GALR1: variants seen among roughly 807,000 people sequenced by gnomAD.
GALR1 encodes the protein galanin receptor 1.
A neutral mutation model predicts 17.9 loss-of-function variants in GALR1; 11 were observed. That is an observed-to-expected ratio of 0.62 (90% confidence interval 0.39 to 1.02). The LOEUF is 1.02. Ranked by LOEUF, GALR1 falls within the 50% of genes least tolerant of loss-of-function variation. The probability of loss-of-function intolerance (pLI) is 0.01; values close to 1 mark genes in which losing one functional copy is unlikely to be tolerated. For missense variants in GALR1, 441 were observed against 456.9 expected, an observed-to-expected ratio of 0.97 and a Z score of 0.32; for synonymous variants, 206 against 205.7, an observed-to-expected ratio of 1.00 and a Z score of -0.01.
At position 77,268,643 on chromosome 18, in the gene GALR1, A is replaced by G; in HGVS notation, c.791A>G (p.His264Arg). Residue 264 changes from histidine to arginine, a missense_variant, in exon 3 of 3, where the codon CAC becomes CGC. Coordinates refer to ENST00000299727, the MANE Select transcript of GALR1 (RefSeq NM_001480.4). ...VVFGISWLPH[H>R]IIHLWAEFGV... ...TTTGGAATCTCCTGGCTGCCGCACC[A>G]CATCATCCATCTCTGGGCTGAGTTT... 6.2e-7 allele frequency: 1 copy of G among 1,614,042 alleles called. No homozygotes were observed. Among genetic ancestry groups the G allele is most frequent in the Non-Finnish European group, 8.5e-7 (1 of 1,180,018 alleles).
rs1912999980 is a variant in GALR1, at chr18:77,268,803, G to A, written c.951G>A (p.Val317=). 1 of 1,613,686 alleles carries A rather than the reference G, an allele frequency of 6.2e-7. No homozygotes were observed. The highest frequency in any genetic ancestry group is 1.7e-5 in the Admixed American group (1 of 60,000). ...SENFRKAYKQ[V]FKCHIRKDSH... is the part of the protein sequence containing the mutation. ...ATTTCAGGAAGGCCTATAAACAAGT[G>A]TTCAAGTGTCACATTCGCAAAGATT... The change falls in exon 3 of 3, where the codon GTG becomes GTA. Residue 317 remains valine (V), a synonymous_variant. Transcript: ENST00000299727.
At chr18:77,261,563 C>CTGG (rs999595718) in intron 2 of GALR1, among the ~76,000 whole-genome samples, 16 of 152,170 alleles carry the variant, frequency 1.1e-4, no homozygotes, top group African/African-American at 3.4e-4. Flanking sequence ...TCTTGCAGTC[C>CTGG]TGGAGTTTGG....
At position 77,250,870 on chromosome 18, in the gene GALR1, T is replaced by G; in HGVS notation, c.322T>G (p.Cys108Gly). ...LPTWVLGAFI[C>G]KFIHYFFTVS... ...CACCTGGGTGCTGGGCGCCTTCATC[T>G]GCAAGTTCATCCACTACTTCTTCAC... Residue 108 changes from cysteine (C) to glycine (G), a missense_variant, in exon 1 of 3, where the codon TGC becomes GGC. Cys to Gly is a radical substitution (Grantham distance 159, BLOSUM62 -3). Transcript: ENST00000299727. 1 of 1,611,198 alleles carries G rather than the reference T, an allele frequency of 6.2e-7. No individual in the cohort carries two copies. The highest frequency in any genetic ancestry group is 8.5e-7 in the Non-Finnish European group (1 of 1,179,998).
intron 2 of GALR1, among the ~76,000 whole-genome samples, chr18:77,261,561 T>A (rs1207398273): frequency 6.6e-6 from 1 of 152,208 alleles, no homozygotes; most frequent in East Asian, 1.9e-4. Context: ...TTTCTTGCAG[T>A]CCTGGAGTTT....
At chr18:77,254,547 T>G (rs75137880) in intron 1 of GALR1, among the ~76,000 whole-genome samples, 3,598 of 152,312 alleles carry the variant, frequency 0.024, 132 homozygotes, top group African/African-American at 0.081. Context: ...GTGCGGCCTC[T>G]CCTGTTGTCT....
chr18:77,264,983 C>A (rs1323219198), intron 2 of GALR1, among the ~76,000 whole-genome samples: 4 of 152,146 alleles, frequency 2.6e-5, no homozygotes, highest in Admixed American at 2.0e-4. Flanking sequence ...CTGCTCCTGG[C>A]CCCTCCCAAA....
intron 2 of GALR1, among the ~76,000 whole-genome samples, chr18:77,261,589 C>T (rs149516826): frequency 5.9e-4 from 90 of 152,296 alleles, no homozygotes; most frequent in African/African-American, 2.0e-3. Flanking sequence ...TAAAATCACG[C>T]TCCTGCAGAT....
intron 1 of GALR1, among the ~76,000 whole-genome samples, chr18:77,255,120 C>T (rs942686402): frequency 9.2e-5 from 14 of 152,248 alleles, no homozygotes; most frequent in South Asian, 8.3e-4. Context: ...ACATGGCTTC[C>T]GGTTCCTTGA....
chr18:77,276,240 A>G lies in GALR1; in HGVS notation c.*7338A>G, dbSNP rs554069203. 4.1e-4 allele frequency: 62 copies of G among 152,264 alleles called. 1 individual carries two copies. The highest frequency in any genetic ancestry group is 2.9e-3 in the Admixed American group (44 of 15,284). The allele number at this position is 152,264 out of a possible 1,614,324, so 9.4% of individuals were successfully genotyped here. On this transcript the variant is annotated 3_prime_UTR_variant, in exon 3 of 3. Transcript: ENST00000299727. ...CAGTTCTATCTGCCTAAGTGAGGAG[A>G]GTAGTTGTGGAGCATTGTAGAAAGG... is the stretch of plus-strand genomic sequence containing the variant.
Position 77,277,477 on chromosome 18 carries a change from T to A in GALR1, c.*8575T>A, listed in dbSNP as rs947051743. ...TAAGATGTGACTTGCTCCTCCTTGC[T>A]CTCTGCCATGATTGTGAGGCTTCCC... On this transcript the variant is annotated 3_prime_UTR_variant, in exon 3 of 3. Transcript: ENST00000299727. 1 of 152,246 alleles carries A rather than the reference T, an allele frequency of 6.6e-6. No individual in the cohort carries two copies. Among genetic ancestry groups the A allele is most frequent in the Non-Finnish European group, 1.5e-5 (1 of 68,088 alleles). The allele number at this position is 152,246 out of a possible 1,614,324, so 9.4% of individuals were successfully genotyped here.
intron 1 of GALR1, among the ~76,000 whole-genome samples, chr18:77,252,873 C>CACG (rs1912457355): frequency 7.7e-6 from 1 of 129,414 alleles, no homozygotes; most frequent in Non-Finnish European, 1.7e-5. Flanking sequence ...CCACCACCAC[C>CACG]ACCACCATCA....
rs1252048014 is a variant in GALR1, at chr18:77,269,051, A to AC, written c.*150dup. On this transcript the variant is annotated 3_prime_UTR_variant, in exon 3 of 3. Transcript: ENST00000299727. ...TTAAATCCCACGTGTGTTAAAAAGT[A>AC]CTTTGATCCATTTAGGAAATTCCTA... 9.5e-6 allele frequency: 6 copies of AC among 634,666 alleles called. No homozygotes were observed. Among genetic ancestry groups the AC allele is most frequent in the Non-Finnish European group, 1.6e-5 (6 of 366,632 alleles). The allele number at this position is 634,666 out of a possible 1,614,324, so 39.3% of individuals were successfully genotyped here. A position where few individuals can be genotyped will look rare whatever the true frequency, so the allele number is the denominator to read the frequency against.
intron 2 of GALR1, among the ~76,000 whole-genome samples, chr18:77,266,223 G>A (rs1912942008): frequency 6.6e-6 from 1 of 152,160 alleles, no homozygotes; most frequent in Non-Finnish European, 1.5e-5. Context: ...CATAGCAAGA[G>A]TGACCTTTAC....
intron 2 of GALR1, among the ~76,000 whole-genome samples, chr18:77,258,738 T>C (rs111211719): frequency 0.24 from 26,761 of 112,438 alleles, 3,414 homozygotes; most frequent in East Asian, 0.4. Context: ...GTGATGGTGA[T>C]GATGGTTATG....
intron 1 of GALR1, among the ~76,000 whole-genome samples, chr18:77,252,980 T>TCACCACCACCACCACCAC (rs1912494442): frequency 4.3e-5 from 1 of 23,038 alleles, no homozygotes; most frequent in Non-Finnish European, 8.9e-5. Flanking sequence ...ATCACCACCA[T>TCACCACCACCACCACCAC]CACCACCATC....
At chr18:77,257,239 G>A (rs1912611441) in intron 2 of GALR1, among the ~76,000 whole-genome samples, 1 of 152,120 alleles carries the variant, frequency 6.6e-6, no homozygotes, top group Non-Finnish European at 1.5e-5. Context: ...AAAACCAGTG[G>A]TAGAGAATTG....
At position 77,263,309 on chromosome 18, in the gene GALR1, G is replaced by A. The variant is rs867822652; in HGVS notation, c.733-5276G>A. On this transcript the variant is annotated intron_variant, in intron 2 of 2. Coordinates refer to ENST00000299727, the MANE Select transcript of GALR1 (RefSeq NM_001480.4). ...TGAGCACATTATCTGCTTGCTTTGT[G>A]TGTCATGCAATAAGTGGCTTTAATA... 2.6e-5 allele frequency among the ~76,000 whole-genome samples: 4 copies of A among 152,284 alleles called. No homozygotes were observed. In the South Asian group the frequency reaches 8.3e-4, roughly 32 times the overall value.
intron 2 of GALR1, among the ~76,000 whole-genome samples, chr18:77,259,142 A>G (rs1265568228): frequency 3.2e-4 from 1 of 3,156 alleles, no homozygotes; most frequent in African/African-American, 3.7e-4. Flanking sequence ...GGTGGTGGTC[A>G]TGGTGGTCAT....
Position 77,276,683 on chromosome 18 carries a change from G to T in GALR1, c.*7781G>T, listed in dbSNP as rs1418803578. ...AAACAGTGTCTGTATTTTCAGAGCAGATAACCAATCAAATTGAGCAGATGG... is the reference window on the plus strand; with the variant it reads ...AAACAGTGTCTGTATTTTCAGAGCATATAACCAATCAAATTGAGCAGATGG... On this transcript the variant is annotated 3_prime_UTR_variant, in exon 3 of 3. Transcript: ENST00000299727. 1 of 152,204 alleles carries T rather than the reference G, an allele frequency of 6.6e-6. No individual in the cohort carries two copies. Among genetic ancestry groups the T allele is most frequent in the African/African-American group, 2.4e-5 (1 of 41,460 alleles). The allele number at this position is 152,204 out of a possible 1,614,324, so 9.4% of individuals were successfully genotyped here.
Sources: allele counts gnomAD v4.1 joint callset (sites outside exome capture counted in the v4.1 genomes callset), GRCh38; gene constraint gnomAD v4.1.1; transcripts MANE v1.5; gene names NCBI Gene and HGNC (gene_info 2026-07-23, HGNC 2026-07-21).